The following CABLES1 variants were observed in gnomAD, a reference collection of about 807,000 sequenced individuals.
The protein encoded by CABLES1 is CDK5 and ABL1 enzyme substrate 1.
Under a neutral mutation model 57.8 loss-of-function variants are expected in CABLES1, and 36 were observed. That is an observed-to-expected ratio of 0.62 (90% CI 0.48 to 0.82). The LOEUF is 0.82. Ranked by LOEUF, CABLES1 falls within the 40% of genes least tolerant of loss-of-function variation. The probability of loss-of-function intolerance (pLI) is 0.00; values close to 1 mark genes in which losing one functional copy is unlikely to be tolerated. For missense variants in CABLES1, 767 were observed against 836.6 expected, an observed-to-expected ratio of 0.92 and a Z score of 1.03; for synonymous variants, 374 against 363.0, an observed-to-expected ratio of 1.03 and a Z score of -0.35.
chr18:23,151,929 T>G (rs1342394828), intron 1 of CABLES1, among the ~76,000 whole-genome samples: 1 of 151,706 alleles, frequency 6.6e-6, no homozygotes, highest in Non-Finnish European at 1.5e-5. Flanking sequence ...GCGAAGCGGG[T>G]GGAGAGAAGT....
Position 23,235,956 on chromosome 18 carries a change from T to C in CABLES1, c.1247T>C (p.Ile416Thr). Residue 416 changes from isoleucine (I) to threonine (T), a missense_variant, in exon 6 of 10, where the codon ATA becomes ACA. By Grantham distance (89) the Ile-to-Thr change is moderately conservative (BLOSUM62 -1). This residue lies in a region of CABLES1 where 529 missense variants were observed against 622.8 expected (regional missense o/e 0.85). Transcript: ENST00000256925. ...TNAFGARRNT[I>T]DSTSSFSQFR... is the part of the protein sequence containing the mutation. ...GCCTTTGGAGCCCGGAGAAATACCA[T>C]AGACTCCACCTCCTCTTTCTCCCAG... is the stretch of plus-strand genomic sequence containing the variant. 1.2e-6 allele frequency: 2 copies of C among 1,614,184 alleles called. No individual in the cohort carries two copies. Among genetic ancestry groups the C allele is most frequent in the Non-Finnish European group, 1.7e-6 (2 of 1,180,006 alleles).
At chr18:23,184,420 C>T (rs567578538) in intron 1 of CABLES1, among the ~76,000 whole-genome samples, 2 of 152,108 alleles carry the variant, frequency 1.3e-5, no homozygotes, top group Admixed American at 6.5e-5. Flanking sequence ...TGTATTTTCT[C>T]GGCCGGGCAT....
At chr18:23,183,432 G>A (rs1249096799) in intron 1 of CABLES1, among the ~76,000 whole-genome samples, 1 of 152,230 alleles carries the variant, frequency 6.6e-6, no homozygotes, top group African/African-American at 2.4e-5. Flanking sequence ...ATATCCAGAT[G>A]TGCAGTCGTG....
At chr18:23,149,033 G>A (rs2046910780) in intron 1 of CABLES1, among the ~76,000 whole-genome samples, 3 of 151,992 alleles carry the variant, frequency 2.0e-5, no homozygotes, top group African/African-American at 7.3e-5. Context: ...GGGACTTCAG[G>A]TGTGTGCCAC....
chr18:23,244,306 A>T (rs1450274019), intron 7 of CABLES1, among the ~76,000 whole-genome samples: 1 of 152,220 alleles, frequency 6.6e-6, no homozygotes, highest in African/African-American at 2.4e-5. Context: ...TGGCCATGTA[A>T]ACCTGAAGCA....
At chr18:23,166,077 T>G (rs1188635902) in intron 1 of CABLES1, among the ~76,000 whole-genome samples, 3 of 152,220 alleles carry the variant, frequency 2.0e-5, no homozygotes, top group Non-Finnish European at 4.4e-5. Flanking sequence ...ATTAATCTTT[T>G]ATTGTTTCAT....
intron 8 of CABLES1, 68 bp from the exon 9 acceptor site, chr18:23,253,661 G>A: frequency 2.3e-6 from 3 of 1,281,220 alleles, no homozygotes; most frequent in Admixed American, 2.0e-5. Context: ...TCAAGATGGG[G>A]GAGTTTTTCT....
At chr18:23,147,497 C>T (rs1237416558) in intron 1 of CABLES1, among the ~76,000 whole-genome samples, 1 of 152,248 alleles carries the variant, frequency 6.6e-6, no homozygotes, top group Non-Finnish European at 1.5e-5. Context: ...TATTTCCATT[C>T]ACAATTGCAC....
chr18:23,242,626 A>C (rs2047764780), intron 7 of CABLES1, among the ~76,000 whole-genome samples: 1 of 152,196 alleles, frequency 6.6e-6, no homozygotes, highest in Non-Finnish European at 1.5e-5. Context: ...AACAAAATTC[A>C]GTTACCTGAA....
intron 1 of CABLES1, among the ~76,000 whole-genome samples, chr18:23,182,335 C>A (rs760241321): frequency 9.9e-5 from 15 of 152,166 alleles, no homozygotes; most frequent in East Asian, 1.9e-4. Flanking sequence ...ATAAAGGAGA[C>A]CACCTATTAT....
chr18:23,256,635 C>G (rs1281674414), intron 9 of CABLES1, among the ~76,000 whole-genome samples: 1 of 152,062 alleles, frequency 6.6e-6, no homozygotes, highest in East Asian at 1.9e-4. Context: ...CGCCCACCGC[C>G]ACGCCCGGCT....
intron 2 of CABLES1, among the ~76,000 whole-genome samples, chr18:23,189,973 GGGCT>G (rs1192021918): frequency 5.3e-5 from 8 of 152,364 alleles, no homozygotes; most frequent in African/African-American, 1.9e-4. Context: ...CAAAGAGAAA[GGGCT>G]GAATAGTCCC....
At chr18:23,174,161 C>A (rs564982478) in intron 1 of CABLES1, among the ~76,000 whole-genome samples, 8 of 152,256 alleles carry the variant, frequency 5.3e-5, no homozygotes, top group East Asian at 1.9e-4. Context: ...TTTTCTCTCT[C>A]TATAGACTTG....
intron 1 of CABLES1, among the ~76,000 whole-genome samples, chr18:23,154,700 G>C (rs1020958842): frequency 2.0e-5 from 3 of 152,160 alleles, no homozygotes; most frequent in Non-Finnish European, 4.4e-5. Flanking sequence ...TTAGAGAATT[G>C]AGTTTTCTCA....
Position 23,190,898 on chromosome 18 carries a change from G to A in CABLES1, c.917+1989G>A, listed in dbSNP as rs569527841. On this transcript the variant is annotated intron_variant, in intron 2 of 9. Transcript: ENST00000256925. ...AAGACCAGCCTGGGCAATGTAGTGA[G>A]ACCCCCATGTCTACAATCAATCAGT... Among the ~76,000 whole-genome samples, 4 of 152,000 alleles carry A rather than the reference G, an allele frequency of 2.6e-5. No individual in the cohort carries two copies. In the East Asian group the frequency reaches 7.7e-4, roughly 29 times the overall value.
chr18:23,252,085 CAAAAA>C (rs1000418698), intron 7 of CABLES1, among the ~76,000 whole-genome samples: 1 of 72,330 alleles, frequency 1.4e-5, no homozygotes, highest in Non-Finnish European at 2.8e-5. Flanking sequence ...GACTCCGTCT[CAAAAA>C]AAAAAAAAAA....
intron 1 of CABLES1, among the ~76,000 whole-genome samples, chr18:23,151,598 G>C (rs148306715): frequency 1.3e-5 from 2 of 152,344 alleles, no homozygotes; most frequent in African/African-American, 4.8e-5. Flanking sequence ...ACAGATGGAA[G>C]ACTGCAGGCC....
At chr18:23,146,968 T>C (rs2046895317) in intron 1 of CABLES1, among the ~76,000 whole-genome samples, 1 of 152,218 alleles carries the variant, frequency 6.6e-6, no homozygotes, top group African/African-American at 2.4e-5. Context: ...TTAAGACCTA[T>C]GGGCTGGAGT....
intron 4 of CABLES1, chr18:23,219,256 C>T: frequency 2.2e-6 from 1 of 454,142 alleles, no homozygotes; most frequent in South Asian, 1.6e-5. Context: ...GGTCCTCTGT[C>T]TGAGTAGGAG....
Sources: gnomAD v4.1 joint callset for allele counts (sites outside exome capture counted in the v4.1 genomes callset) on GRCh38, gnomAD v4.1.1 for gene constraint, gnomAD v4.1.1 regional missense constraint, MANE v1.5 for transcripts, NCBI Gene and HGNC (gene_info 2026-07-23, HGNC 2026-07-21) for gene names.